The following TNNT2 variants were observed in gnomAD, a reference collection of about 807,000 sequenced individuals.
TNNT2 encodes troponin T2, cardiac type.
Under a neutral mutation model 62.4 loss-of-function variants are expected in TNNT2, and 34 were observed. The ratio of observed to expected loss-of-function variants is 0.54; its 90% confidence interval spans 0.41 to 0.72. The LOEUF is 0.72. Ranked by LOEUF, TNNT2 falls within the 30% of genes least tolerant of loss-of-function variation. The pLI is 0.00. For missense variants in TNNT2, 275 were observed against 381.9 expected (o/e 0.72, Z 2.33); for synonymous variants, 123 against 127.2 (o/e 0.97, Z 0.22).
At chr1:201,369,105 T>A (rs1660179491) in intron 5 of TNNT2, among the ~76,000 whole-genome samples, 1 of 152,222 alleles carries the variant, frequency 6.6e-6, no homozygotes, top group African/African-American at 2.4e-5. Flanking sequence ...TGTTCACACC[T>A]CTGCCACCTC....
At chr1:201,360,280 G>A (rs1432575835) in intron 15 of TNNT2, among the ~76,000 whole-genome samples, 1 of 152,208 alleles carries the variant, frequency 6.6e-6, no homozygotes, top group Non-Finnish European at 1.5e-5. Flanking sequence ...GAACCCATAG[G>A]GCTGCTATGA....
chr1:201,366,913 C>G (rs1196166601), intron 7 of TNNT2, 42 bp from the exon 8 acceptor site: 1 of 1,613,926 alleles, frequency 6.2e-7, no homozygotes, highest in Non-Finnish European at 8.5e-7. Context: ...CAGGGGGCCC[C>G]AGAAGTGGTC....
At chr1:201,376,808 G>C (rs1032797654) in intron 1 of TNNT2, among the ~76,000 whole-genome samples, 1 of 152,206 alleles carries the variant, frequency 6.6e-6, no homozygotes, top group Non-Finnish European at 1.5e-5. Flanking sequence ...GTCCCAAGAT[G>C]GGGTGTTGGG....
intron 5 of TNNT2, 74 bp from the exon 6 acceptor site, chr1:201,368,301 T>A: frequency 6.6e-7 from 1 of 1,514,956 alleles, no homozygotes; most frequent in Admixed American, 1.7e-5. Context: ...GAGCAGAGAA[T>A]GGGCAGCGGG....
rs1033022554 is a variant in TNNT2, at chr1:201,367,122, G to A, written c.200-251C>T. The A allele has an allele frequency of 1.6e-5, 10 of 617,230 alleles. No individual in the cohort carries two copies. In the African/African-American group the frequency reaches 1.7e-4, roughly 10 times the overall value. 38.2% of individuals were successfully genotyped at this position (617,230 alleles called of 1,614,324 possible). Reference sequence around the variant, plus strand: ...CACGCAGTGTGGAACTTCACACAAAGCCTTCTCTCACTCACCAGTTCTGGG... The same window carrying A: ...CACGCAGTGTGGAACTTCACACAAAACCTTCTCTCACTCACCAGTTCTGGG... On this transcript the variant is annotated intron_variant, in intron 7 of 16. Transcript: ENST00000656932.
At chr1:201,367,909 T>G (rs1299211024) in intron 6 of TNNT2, 103 bp from the exon 7 acceptor site, 3 of 1,399,908 alleles carry the variant, frequency 2.1e-6, no homozygotes, top group Non-Finnish European at 3.0e-6. Flanking sequence ...CTAGCCAAGA[T>G]GCACTCTGTT....
chr1:201,364,043 C>T (rs1242463463), intron 11 of TNNT2: 16 of 484,732 alleles, frequency 3.3e-5, no homozygotes, highest in Non-Finnish European at 4.5e-5. Context: ...TGTGCCACCA[C>T]GCCTGGCTAA....
chr1:201,370,316 G>C (rs912957705), intron 4 of TNNT2, among the ~76,000 whole-genome samples: 26 of 152,220 alleles, frequency 1.7e-4, no homozygotes, highest in Admixed American at 1.6e-3. Flanking sequence ...GAGGCTCTTG[G>C]GTATCCTGCA....
rs1009990875 is a variant in TNNT2 at position 201,365,469 on chromosome 1, T to C, written c.294+141A>G. On this transcript the variant is annotated intron_variant, in intron 9 of 16. Transcript: ENST00000656932. ...TGGCCTGAACCCAGGACCACGCTCA[T>C]GGATGGGCACCCAGCCTGGCTGGTG... 49 of 1,205,890 alleles carry C rather than the reference T, an allele frequency of 4.1e-5. No homozygotes were observed. The African/African-American group carries it at 5.8e-4, about 14-fold the overall frequency. The allele number at this position is 1,205,890 out of a possible 1,614,324, so 74.7% of individuals were successfully genotyped here. A position where few individuals can be genotyped will look rare whatever the true frequency, so the allele number is the denominator to read the frequency against.
chr1:201,375,786 G>T (rs1338378453), intron 1 of TNNT2, among the ~76,000 whole-genome samples: 1 of 152,218 alleles, frequency 6.6e-6, no homozygotes, highest in Non-Finnish European at 1.5e-5. Context: ...TGGGCGCATA[G>T]CTTCTAGCTT....
intron 3 of TNNT2, 47 bp from the exon 4 acceptor site, chr1:201,372,088 G>A: frequency 1.2e-6 from 2 of 1,614,076 alleles, no homozygotes; most frequent in East Asian, 2.2e-5. Context: ...AGAAGAGGTG[G>A]GTCAGTTTCG....
rs1571638509 is a variant in TNNT2 at position 201,366,822 on chromosome 1, G to A, written c.233+16C>T. On this transcript the variant is annotated intron_variant, in intron 8 of 16. Coordinates refer to ENST00000656932, the MANE Select transcript of TNNT2 (RefSeq NM_001276345.2). ...AGCCTCTGCTCCCGGCTCTACCCAG[G>A]TGCCTCCCCACTCACCTGGGCTTTG... The A allele has an allele frequency of 6.2e-7, 1 of 1,614,008 alleles. No homozygotes were observed. The highest frequency in any genetic ancestry group is 2.2e-5 in the East Asian group (1 of 44,858).
intron 1 of TNNT2, chr1:201,374,674 A>G (rs1176526927): frequency 6.6e-6 from 1 of 152,216 alleles, no homozygotes; most frequent in African/African-American, 2.4e-5. Flanking sequence ...CTGTGAAATT[A>G]CTGCTCTTCT....
At position 201,359,064 on chromosome 1, in the gene TNNT2, G is replaced by A. The variant is rs1658093962; in HGVS notation, c.*146C>T. The A allele has an allele frequency of 2.1e-6, 2 of 952,892 alleles. No individual in the cohort carries two copies. The highest frequency in any genetic ancestry group is 2.0e-5 in the Admixed American group (1 of 49,990). The allele number at this position is 952,892 out of a possible 1,614,324, so 59.0% of individuals were successfully genotyped here. A position where few individuals can be genotyped will look rare whatever the true frequency, so the allele number is the denominator to read the frequency against. The stretch of plus-strand genomic sequence containing the variant: ...TGGTGTGGAGTGGGTGTGGGGGCAG[G>A]CAGGAGTGGTGGCTCCCACCTAGGC... On this transcript the variant is annotated 3_prime_UTR_variant, in exon 17 of 17. Transcript: ENST00000656932.
chr1:201,359,141 G>A lies in TNNT2; in HGVS notation c.*69C>T. The A allele has an allele frequency of 6.4e-7, 1 of 1,571,196 alleles. No individual in the cohort carries two copies. The highest frequency in any genetic ancestry group is 8.6e-7 in the Non-Finnish European group (1 of 1,157,488). Reference sequence around the variant, plus strand: ...GCCTGGGGTGCCCAGGAGGGCCCGGGAACTGGGGGAGTGCAGGCCGGAGGC... The same window carrying A: ...GCCTGGGGTGCCCAGGAGGGCCCGGAAACTGGGGGAGTGCAGGCCGGAGGC... On this transcript the variant is annotated 3_prime_UTR_variant, in exon 17 of 17. Coordinates refer to ENST00000656932, the MANE Select transcript of TNNT2 (RefSeq NM_001276345.2).
chr1:201,364,807 G>A (rs1045376775), intron 10 of TNNT2, among the ~76,000 whole-genome samples: 3 of 152,252 alleles, frequency 2.0e-5, no homozygotes, highest in African/African-American at 7.2e-5. Context: ...CTCTGCAGGA[G>A]AAGGATGTGG....
chr1:201,368,083 G>T, intron 6 of TNNT2, 79 bp downstream of exon 6: 1 of 1,421,140 alleles, frequency 7.0e-7, no homozygotes, highest in Non-Finnish European at 1.0e-6. Flanking sequence ...TGTTCTGGGG[G>T]GTTTCTTACT....
intron 7 of TNNT2, chr1:201,367,360 C>A: frequency 2.6e-6 from 1 of 389,186 alleles, no homozygotes; most frequent in South Asian, 2.5e-5. Context: ...CACTTAGAAC[C>A]CTGGTGAAGG....
chr1:201,359,508 A>G (rs528469042), intron 16 of TNNT2, 115 bp downstream of exon 16: 19 of 1,151,180 alleles, frequency 1.7e-5, no homozygotes, highest in Non-Finnish European at 2.4e-5. Context: ...TGTGGGCTGA[A>G]GCAGAGGAGG....
Sources: allele counts gnomAD v4.1 joint callset (sites outside exome capture counted in the v4.1 genomes callset), GRCh38; gene constraint gnomAD v4.1.1; transcripts MANE v1.5; gene names NCBI Gene and HGNC (gene_info 2026-07-23, HGNC 2026-07-21).